CA10: variants seen among roughly 807,000 people sequenced by gnomAD.
CA10 encodes carbonic anhydrase-related protein 10.
In CA10, 14 loss-of-function variants were observed where a neutral mutation model predicts 44.2. The ratio of observed to expected loss-of-function variants is 0.32; its 90% CI spans 0.21 to 0.50. The LOEUF (loss-of-function observed/expected upper bound fraction) is 0.50, where lower values mean the gene tolerates loss of function less well. CA10 is among the 20% of genes least tolerant of loss of function. The pLI, the probability that CA10 is intolerant of heterozygous loss-of-function variation, is 0.99. For missense variants in CA10, 350 were observed against 409.7 expected (o/e 0.85, Z 1.26); for synonymous variants, 159 against 141.6 (o/e 1.12, Z -0.87).
intron 1 of CA10, among the ~76,000 whole-genome samples, chr17:52,124,186 C>T (rs2221331): frequency 0.096 from 14,564 of 152,220 alleles, 1,698 homozygotes; most frequent in African/African-American, 0.28. Flanking sequence ...TGCATTTATC[C>T]TCTCTCCTTC....
intron 3 of CA10, among the ~76,000 whole-genome samples, chr17:51,849,122 T>C (rs1978626787): frequency 6.9e-6 from 1 of 144,934 alleles, no homozygotes; most frequent in South Asian, 2.2e-4. Flanking sequence ...TGTGTATATA[T>C]ATAAATATAA....
intron 1 of CA10, among the ~76,000 whole-genome samples, chr17:52,144,273 A>G (rs1341964413): frequency 6.6e-6 from 1 of 152,190 alleles, no homozygotes; most frequent in East Asian, 1.9e-4. Context: ...TCATAAATGG[A>G]TTAGGCCATA....
At chr17:51,989,236 T>G (rs1984954750) in intron 2 of CA10, among the ~76,000 whole-genome samples, 1 of 151,924 alleles carries the variant, frequency 6.6e-6, no homozygotes, top group Non-Finnish European at 1.5e-5. Context: ...TCATGGCGGT[T>G]TGTTCTACAG....
chr17:52,066,869 A>C lies in CA10; in HGVS notation c.136+5450T>G, dbSNP rs117017550. ...ATGATGTAGGGTATCTGGCAGAAGA[A>C]ATTTCTAAGCAGAAAACCATTCAAG... On this transcript the variant is annotated intron_variant, in intron 2 of 8. Transcript: ENST00000451037. Among the ~76,000 whole-genome samples, 9 of 152,314 alleles carry C rather than the reference A, an allele frequency of 5.9e-5. No homozygotes were observed. In the East Asian group the frequency reaches 1.7e-3, roughly 29 times the overall value.
chr17:52,035,857 TC>T (rs1986603426), intron 2 of CA10, among the ~76,000 whole-genome samples: 1 of 152,216 alleles, frequency 6.6e-6, no homozygotes, highest in African/African-American at 2.4e-5. Flanking sequence ...CAGGGAAGTA[TC>T]CTGCTTCACT....
intron 3 of CA10, among the ~76,000 whole-genome samples, chr17:51,757,270 T>A (rs1905101846): frequency 6.6e-6 from 1 of 152,088 alleles, no homozygotes. Flanking sequence ...TCTGGAAGCA[T>A]CGACGCAAGA....
chr17:52,131,209 TG>T (rs1260752221), intron 1 of CA10, among the ~76,000 whole-genome samples: 7 of 152,210 alleles, frequency 4.6e-5, no homozygotes, highest in African/African-American at 1.7e-4. Flanking sequence ...TTGAGTGTTC[TG>T]TCTCTACTTT....
intron 4 of CA10, among the ~76,000 whole-genome samples, chr17:51,688,091 A>T (rs1455063708): frequency 5.3e-5 from 8 of 152,188 alleles, no homozygotes; most frequent in Admixed American, 5.2e-4. Context: ...GTGAACACTC[A>T]AGCAGCCCTA....
intron 1 of CA10, among the ~76,000 whole-genome samples, chr17:52,155,712 G>A (rs957343796): frequency 6.6e-6 from 1 of 152,104 alleles, no homozygotes; most frequent in Non-Finnish European, 1.5e-5. Context: ...TCCTAACTAG[G>A]CATTTGGAAC....
intron 4 of CA10, among the ~76,000 whole-genome samples, chr17:51,726,271 A>AC: frequency 6.6e-6 from 1 of 152,184 alleles, no homozygotes. Flanking sequence ...ATTCCAGGTA[A>AC]CCCCTTGCTC....
intron 4 of CA10, among the ~76,000 whole-genome samples, chr17:51,744,590 G>C (rs1331088323): frequency 6.6e-6 from 1 of 152,062 alleles, no homozygotes; most frequent in Non-Finnish European, 1.5e-5. Flanking sequence ...TTCAGCCTGG[G>C]TAACAGAGTA....
intron 1 of CA10, among the ~76,000 whole-genome samples, chr17:52,133,515 G>T (rs994712497): frequency 6.6e-6 from 1 of 151,756 alleles, no homozygotes; most frequent in African/African-American, 2.4e-5. Context: ...AGCAAAAAGT[G>T]TTAACAAGAA....
chr17:52,113,174 G>C (rs188303756), intron 1 of CA10, among the ~76,000 whole-genome samples: 104 of 152,322 alleles, frequency 6.8e-4, no homozygotes, highest in African/African-American at 2.0e-3. Flanking sequence ...ATTCCTAAGA[G>C]AGCTTACAAG....
chr17:51,876,843 T>C (rs1980103370), intron 3 of CA10, among the ~76,000 whole-genome samples: 2 of 152,178 alleles, frequency 1.3e-5, no homozygotes, highest in African/African-American at 2.4e-5. Context: ...CCCCCAGCTA[T>C]GCCTGAGAGC....
intron 2 of CA10, among the ~76,000 whole-genome samples, chr17:51,985,190 G>T (rs1984787670): frequency 2.6e-5 from 4 of 151,938 alleles, no homozygotes; most frequent in Admixed American, 1.3e-4. Flanking sequence ...TTTCATACCA[G>T]GGATGGAGGG....
rs141772339 is a variant in CA10, at chr17:52,117,002, C to T, written c.61+40724G>A. 1.1e-3 allele frequency among the ~76,000 whole-genome samples: 174 copies of T among 152,262 alleles called. 2 individuals are homozygous for T. In the South Asian group the frequency reaches 0.015, roughly 13 times the overall value. ...AAAGCTAGATACATCAGCTGCTTGG[C>T]ATGGCTAAAGTGAACTAATAAGGGA... is the stretch of plus-strand genomic sequence containing the variant. On this transcript the variant is annotated intron_variant, in intron 1 of 8. Coordinates refer to ENST00000451037, the MANE Select transcript of CA10 (RefSeq NM_020178.5).
At chr17:51,969,076 T>C (rs1052967762) in intron 2 of CA10, among the ~76,000 whole-genome samples, 1 of 152,016 alleles carries the variant, frequency 6.6e-6, no homozygotes, top group African/African-American at 2.4e-5. Flanking sequence ...AAAGCCCACA[T>C]ATATTTGGAT....
At chr17:51,934,302 G>A (rs1162275420) in intron 2 of CA10, among the ~76,000 whole-genome samples, 2 of 152,070 alleles carry the variant, frequency 1.3e-5, no homozygotes, top group Admixed American at 6.6e-5. Context: ...AGGTAGAGGC[G>A]AGGAAGGACA....
intron 4 of CA10, among the ~76,000 whole-genome samples, chr17:51,722,180 TATA>T (rs945234488): frequency 3.9e-5 from 6 of 152,014 alleles, no homozygotes; most frequent in Non-Finnish European, 5.9e-5. Flanking sequence ...TTAAAAAACA[TATA>T]ATAATAATAA....
Sources: gnomAD v4.1 joint callset for allele counts (sites outside exome capture counted in the v4.1 genomes callset) on GRCh38, gnomAD v4.1.1 for gene constraint, MANE v1.5 for transcripts, NCBI Gene and HGNC (gene_info 2026-07-23, HGNC 2026-07-21) for gene names.